Variants in HTR7 observed in about 807,000 individuals in gnomAD.
HTR7 encodes the protein 5-HT-7.
A neutral mutation model predicts 34.0 loss-of-function variants in HTR7; 16 were observed. The observed-to-expected ratio is 0.47, with a 90% confidence interval of 0.32 to 0.71. The LOEUF is 0.71. HTR7 is among the 30% of genes least tolerant of loss of function. The probability of loss-of-function intolerance (pLI) is 0.04; values close to 1 mark genes in which losing one functional copy is unlikely to be tolerated. For missense variants in HTR7, 504 were observed against 625.5 expected (o/e 0.81, Z 2.07); for synonymous variants, 265 against 260.2 (o/e 1.02, Z -0.18).
At chr10:90,781,556 G>T (rs1200711400) in intron 1 of HTR7, among the ~76,000 whole-genome samples, 1 of 152,148 alleles carries the variant, frequency 6.6e-6, no homozygotes, top group South Asian at 2.1e-4. Context: ...TTGAAGATAA[G>T]AACTGATTTT....
At chr10:90,805,610 T>C (rs1435518985) in intron 1 of HTR7, among the ~76,000 whole-genome samples, 1 of 152,208 alleles carries the variant, frequency 6.6e-6, no homozygotes, top group Non-Finnish European at 1.5e-5. Flanking sequence ...TAGAGTTGCC[T>C]AGCTAATAAT....
In HTR7 at chr10:90,741,893, G is replaced by A. The variant is rs1418213; in HGVS notation, c.*589C>T. 0.21 allele frequency: 31,538 copies of A among 152,524 alleles called. 3,941 individuals carry two copies. The highest frequency in any genetic ancestry group is 0.34 in the African/African-American group (14,209 of 41,454). 9.4% of individuals were successfully genotyped at this position (152,524 alleles called of 1,614,324 possible). ...TGAGTTAACACAGAAAAGTACATAG[G>A]TGGGGAAATCACAGAGACCCTGCAG... is the stretch of plus-strand genomic sequence containing the variant. On this transcript the variant is annotated 3_prime_UTR_variant, in exon 4 of 4. Coordinates refer to ENST00000336152, the MANE Select transcript of HTR7 (RefSeq NM_019859.4).
At chr10:90,776,605 T>C (rs1021628275) in intron 1 of HTR7, among the ~76,000 whole-genome samples, 1 of 152,236 alleles carries the variant, frequency 6.6e-6, no homozygotes, top group African/African-American at 2.4e-5. Context: ...GTCACATAGG[T>C]TGAAAGAACA....
At chr10:90,792,166 T>C (rs1845468988) in intron 1 of HTR7, among the ~76,000 whole-genome samples, 1 of 152,146 alleles carries the variant, frequency 6.6e-6, no homozygotes, top group South Asian at 2.1e-4. Flanking sequence ...TATGAATCCA[T>C]GAATCAAATT....
intron 1 of HTR7, among the ~76,000 whole-genome samples, chr10:90,759,288 A>C (rs1844893411): frequency 1.3e-5 from 2 of 152,190 alleles, no homozygotes; most frequent in South Asian, 4.1e-4. Context: ...TGAAGAGTAA[A>C]GTGCCCATAA....
chr10:90,812,278 C>G (rs929077573), intron 1 of HTR7, among the ~76,000 whole-genome samples: 5 of 152,160 alleles, frequency 3.3e-5, no homozygotes, highest in Non-Finnish European at 5.9e-5. Context: ...TACTCCTATT[C>G]ACCATTCTCA....
chr10:90,847,695 T>C (rs751922441), intron 1 of HTR7, among the ~76,000 whole-genome samples: 2 of 152,236 alleles, frequency 1.3e-5, no homozygotes, highest in East Asian at 3.9e-4. Flanking sequence ...CTCTTGCAAA[T>C]AAGGCAGATG....
intron 1 of HTR7, among the ~76,000 whole-genome samples, chr10:90,792,845 T>C (rs890186837): frequency 1.3e-5 from 2 of 152,044 alleles, no homozygotes; most frequent in Admixed American, 6.6e-5. Context: ...TATATCCACA[T>C]GCAAAAGAAT....
Position 90,815,294 on chromosome 10 carries a change from G to T in HTR7, c.539+41839C>A, listed in dbSNP as rs143948539. Among the ~76,000 whole-genome samples the T allele has an allele frequency of 5.7e-4, 86 of 152,194 alleles. No individual in the cohort carries two copies. In the East Asian group the frequency reaches 0.015, roughly 27 times the overall value. ...TTTAGTAGAGACAGGGTTTCACCGT[G>T]TTGGCCAGGCTGGTCTTGAACTCCT... On this transcript the variant is annotated intron_variant, in intron 1 of 3. Transcript: ENST00000336152.
chr10:90,743,840 A>G (rs2119658871), intron 2 of HTR7, 150 bp from the exon 3 acceptor site: 2 of 744,664 alleles, frequency 2.7e-6, no homozygotes, highest in Non-Finnish European at 4.8e-6. Flanking sequence ...ATAGCAGTAA[A>G]TTAAAATTAC....
chr10:90,850,938 T>A lies in HTR7; in HGVS notation c.539+6195A>T, dbSNP rs1042607821. The stretch of plus-strand genomic sequence containing the variant: ...ACATATGTTTGAAGACATAGAGAAG[T>A]AAAGAATGGAACAGTAGTAGTGTTT... On this transcript the variant is annotated intron_variant, in intron 1 of 3. Transcript: ENST00000336152. Among the ~76,000 whole-genome samples the A allele has an allele frequency of 1.9e-4, 29 of 152,076 alleles. 1 individual carries two copies. The East Asian group carries it at 5.4e-3, about 28-fold the overall frequency.
At chr10:90,802,304 AAC>A (rs1466087124) in intron 1 of HTR7, among the ~76,000 whole-genome samples, 2 of 152,238 alleles carry the variant, frequency 1.3e-5, no homozygotes, top group Non-Finnish European at 2.9e-5. Context: ...TATTTTAAGT[AAC>A]ACACTGTTCT....
intron 1 of HTR7, among the ~76,000 whole-genome samples, chr10:90,798,081 A>T (rs1416012300): frequency 6.6e-6 from 1 of 152,208 alleles, no homozygotes; most frequent in African/African-American, 2.4e-5. Context: ...ACCTCTTAAT[A>T]CCATCAAAAT....
chr10:90,774,604 T>C (rs920195845), intron 1 of HTR7, among the ~76,000 whole-genome samples: 7 of 152,190 alleles, frequency 4.6e-5, no homozygotes, highest in African/African-American at 7.2e-5. Context: ...CAAATAAGAA[T>C]GATTTATTAA....
In HTR7 at chr10:90,749,952, T is replaced by C. The variant is rs1483167712; in HGVS notation, c.540-358A>G. The stretch of plus-strand genomic sequence containing the variant: ...CCAGGACAACATATCAACTCTGATG[T>C]AGGATGTTGTGACACATTCTCAAAA... On this transcript the variant is annotated intron_variant, in intron 1 of 3. Transcript: ENST00000336152. This position sits in a 1 kb window ranked among gnomAD's most constrained non-coding sequence, Gnocchi z 4.2. Among the ~76,000 whole-genome samples, 1 of 152,226 alleles carries C rather than the reference T, an allele frequency of 6.6e-6. No homozygotes were observed. The highest frequency in any genetic ancestry group is 6.5e-5 in the Admixed American group (1 of 15,280).
At chr10:90,834,567 TG>T (rs1846226603) in intron 1 of HTR7, among the ~76,000 whole-genome samples, 1 of 152,114 alleles carries the variant, frequency 6.6e-6, no homozygotes, top group African/African-American at 2.4e-5. Flanking sequence ...TCTGTGTCTG[TG>T]GTCAGGTGAT....
Position 90,836,921 on chromosome 10 carries a change from G to A in HTR7, c.539+20212C>T, listed in dbSNP as rs1846261544. Among the ~76,000 whole-genome samples the A allele has an allele frequency of 3.3e-5, 5 of 152,204 alleles. No individual in the cohort carries two copies. In the South Asian group the frequency reaches 1.0e-3, roughly 32 times the overall value. On this transcript the variant is annotated intron_variant, in intron 1 of 3. Transcript: ENST00000336152. ...ACAACTTATGTAAGGTCATAGTTAG[G>A]GAGTCAGAGACAAATTCAGAAGAAC...
chr10:90,765,485 G>A (rs1230361564), intron 1 of HTR7, among the ~76,000 whole-genome samples: 1 of 150,212 alleles, frequency 6.7e-6, no homozygotes, highest in Non-Finnish European at 1.5e-5. Context: ...AACTAGCTCT[G>A]GTTTGTTAGT....
chr10:90,801,425 G>T (rs1452831465), intron 1 of HTR7, among the ~76,000 whole-genome samples: 7 of 152,120 alleles, frequency 4.6e-5, no homozygotes, highest in Non-Finnish European at 8.8e-5. Flanking sequence ...CTGGTTAAAA[G>T]AAATCAATAT....
Sources: allele counts gnomAD v4.1 joint callset (sites outside exome capture counted in the v4.1 genomes callset), GRCh38; gene constraint gnomAD v4.1.1; non-coding constraint Gnocchi (gnomAD v3.1); transcripts MANE v1.5; gene names NCBI Gene and HGNC (gene_info 2026-07-23, HGNC 2026-07-21).